The following MIPEP variants were observed in gnomAD, a reference collection of about 807,000 sequenced individuals.
The protein encoded by MIPEP is mitochondrial intermediate peptidase.
Under a neutral mutation model 90.3 loss-of-function variants are expected in MIPEP, and 79 were observed. That is an observed-to-expected ratio of 0.87 (90% CI 0.73 to 1.05). The LOEUF (loss-of-function observed/expected upper bound fraction) is 1.05. Ranked by LOEUF, MIPEP falls within the 50% of genes least tolerant of loss-of-function variation. The pLI is 0.00. For missense variants in MIPEP, 940 were observed against 905.6 expected, an observed-to-expected ratio of 1.04 and a Z score of -0.49; for synonymous variants, 334 against 315.8, an observed-to-expected ratio of 1.06 and a Z score of -0.61.
At chr13:23,835,965 G>A (rs937834356) in intron 14 of MIPEP, among the ~76,000 whole-genome samples, 8 of 152,264 alleles carry the variant, frequency 5.3e-5, no homozygotes, top group Admixed American at 2.0e-4. Context: ...GGGATAAAGT[G>A]TCTTCCTTAT....
At chr13:23,775,141 G>A (rs933634389) in intron 16 of MIPEP, among the ~76,000 whole-genome samples, 4 of 151,718 alleles carry the variant, frequency 2.6e-5, no homozygotes, top group Non-Finnish European at 4.4e-5. Context: ...GTGTGTGTGT[G>A]TGTGTGTGTG....
chr13:23,771,530 TACACAC>T (rs3077653), intron 16 of MIPEP, among the ~76,000 whole-genome samples: 41,281 of 145,970 alleles, frequency 0.28, 5,776 homozygotes, highest in East Asian at 0.46. Context: ...ATTTGCTGAC[TACACAC>T]ACACACACAC....
Position 23,811,166 on chromosome 13 carries a change from A to G in MIPEP, c.1654-1242T>C, listed in dbSNP as rs146115761. The stretch of plus-strand genomic sequence containing the variant: ...TGTCAAAATGTTCACGTTTCTTTAA[A>G]CCTTACTTTATATCATATTTTATAT... On this transcript the variant is annotated intron_variant, in intron 14 of 18. Transcript: ENST00000382172. Among the ~76,000 whole-genome samples the G allele has an allele frequency of 7.3e-3, 1,119 of 152,254 alleles. 16 individuals carry two copies. The highest frequency in any genetic ancestry group is 0.024 in the African/African-American group (1,006 of 41,532).
At chr13:23,760,275 T>A in intron 16 of MIPEP, 58 bp from the exon 17 acceptor site, 1 of 1,611,234 alleles carries the variant, frequency 6.2e-7, no homozygotes, top group Non-Finnish European at 8.5e-7. Flanking sequence ...TTGGAGAATA[T>A]CACATGTGAG....
intron 14 of MIPEP, among the ~76,000 whole-genome samples, chr13:23,822,970 C>T (rs1953326939): frequency 6.6e-6 from 1 of 151,912 alleles, no homozygotes; most frequent in Non-Finnish European, 1.5e-5. Flanking sequence ...ACTGCAACCT[C>T]CGCTGGGCGC....
chr13:23,765,082 T>C (rs975011720), intron 16 of MIPEP, among the ~76,000 whole-genome samples: 2 of 152,206 alleles, frequency 1.3e-5, no homozygotes, highest in African/African-American at 4.8e-5. Flanking sequence ...GGAAATACAG[T>C]ATTTCAGGGA....
At chr13:23,770,222 T>G (rs1454109840) in intron 16 of MIPEP, among the ~76,000 whole-genome samples, 2 of 152,140 alleles carry the variant, frequency 1.3e-5, no homozygotes, top group Non-Finnish European at 2.9e-5. Context: ...TCACTTCCTG[T>G]CACTCTCCCG....
chr13:23,862,259 A>G (rs912504827), intron 9 of MIPEP, 43 bp downstream of exon 9: 11 of 1,166,204 alleles, frequency 9.4e-6, no homozygotes, highest in Non-Finnish European at 1.2e-5. Context: ...ATTTCAGTTG[A>G]CAGACTGTCT....
At chr13:23,756,441 A>T (rs1952491839) in intron 18 of MIPEP, 104 bp downstream of exon 18, 3 of 1,210,836 alleles carry the variant, frequency 2.5e-6, no homozygotes, top group African/African-American at 1.5e-5. Context: ...ACAGGCATGA[A>T]CCACCACACC....
At chr13:23,795,862 G>A (rs1952953173) in intron 16 of MIPEP, among the ~76,000 whole-genome samples, 2 of 149,180 alleles carry the variant, frequency 1.3e-5, no homozygotes, top group African/African-American at 4.9e-5. Context: ...GGGGTGTGGT[G>A]ATGAGCGCCT....
intron 16 of MIPEP, among the ~76,000 whole-genome samples, chr13:23,784,186 C>T (rs1037490437): frequency 1.3e-5 from 2 of 152,168 alleles, no homozygotes. Flanking sequence ...CCAAGACAAT[C>T]CTAAGCCAAA....
intron 16 of MIPEP, among the ~76,000 whole-genome samples, chr13:23,763,520 T>G (rs1294717308): frequency 6.6e-6 from 1 of 152,226 alleles, no homozygotes; most frequent in Non-Finnish European, 1.5e-5. Context: ...TACAGCTTTG[T>G]TTTATCTTGA....
rs539700228 is a variant in MIPEP, at chr13:23,797,234, C to T, written c.1848+8716G>A. 2.6e-5 allele frequency among the ~76,000 whole-genome samples: 4 copies of T among 152,248 alleles called. No homozygotes were observed. In the South Asian group the frequency reaches 8.3e-4, roughly 32 times the overall value. The stretch of plus-strand genomic sequence containing the variant: ...TCCTACACAGCAAACTCTCCCTGTT[C>T]CCTGCTGCCCCTTCCCACAGTTAGT... On this transcript the variant is annotated intron_variant, in intron 16 of 18. Transcript: ENST00000382172.
intron 2 of MIPEP, 44 bp from the exon 3 acceptor site, chr13:23,881,831 A>C: frequency 6.8e-7 from 1 of 1,473,166 alleles, no homozygotes; most frequent in Non-Finnish European, 9.5e-7. Flanking sequence ...TTTGATGAGA[A>C]GCTTTCTTCC....
In MIPEP at chr13:23,889,263, GGGGC is replaced by G; in HGVS notation, c.54_57del (p.Pro19AlafsTer52). Reference sequence around the variant, plus strand: ...TCGAGGCTTCCCCGGCCCGCCCGGCGGGGCGGCAGAGCTGCTGCTCTGGCTCCCA... The same window carrying G: ...TCGAGGCTTCCCCGGCCCGCCCGGCGGGCAGAGCTGCTGCTCTGGCTCCCA... On this transcript the variant is annotated frameshift_variant, in exon 1 of 19. Transcript: ENST00000382172. LOFTEE classifies it high-confidence loss of function. The G allele has an allele frequency of 7.2e-7, 1 of 1,384,606 alleles. No homozygotes were observed. Among genetic ancestry groups the G allele is most frequent in the Non-Finnish European group, 9.4e-7 (1 of 1,068,656 alleles). The allele number at this position is 1,384,606 out of a possible 1,614,324, so 85.8% of individuals were successfully genotyped here.
At chr13:23,862,209 G>C in intron 9 of MIPEP, 93 bp downstream of exon 9, 1 of 766,870 alleles carries the variant, frequency 1.3e-6, no homozygotes, top group Non-Finnish European at 2.2e-6. Context: ...AAATGGACCT[G>C]TAGCCTATCA....
intron 16 of MIPEP, among the ~76,000 whole-genome samples, chr13:23,795,559 T>C (rs188730543): frequency 6.6e-6 from 1 of 152,244 alleles, no homozygotes; most frequent in Admixed American, 6.5e-5. Flanking sequence ...GGATAATTAT[T>C]TTCTTATCTT....
intron 18 of MIPEP, among the ~76,000 whole-genome samples, chr13:23,746,633 CA>C (rs34666099): frequency 0.07 from 6,905 of 99,308 alleles, 308 homozygotes; most frequent in East Asian, 0.35. Flanking sequence ...GACTCCCTCT[CA>C]AAAAAAAAAA....
chr13:23,842,950 T>C (rs1454168891), intron 10 of MIPEP, among the ~76,000 whole-genome samples: 1 of 151,758 alleles, frequency 6.6e-6, no homozygotes, highest in Non-Finnish European at 1.5e-5. Flanking sequence ...GTACAAAAAT[T>C]AGCCGGGTGT....
Sources: allele counts gnomAD v4.1 joint callset (sites outside exome capture counted in the v4.1 genomes callset), GRCh38; gene constraint gnomAD v4.1.1; transcripts MANE v1.5; gene names NCBI Gene and HGNC (gene_info 2026-07-23, HGNC 2026-07-21).